The following CNTNAP2 variants were observed in gnomAD, a reference collection of about 807,000 sequenced individuals.
CNTNAP2 encodes contactin associated protein 2.
A neutral mutation model predicts 155.2 loss-of-function variants in CNTNAP2; 98 were observed. The observed-to-expected ratio is 0.63, with a 90% CI of 0.54 to 0.75. The LOEUF is 0.75. Ranked by LOEUF, CNTNAP2 falls within the 30% of genes least tolerant of loss-of-function variation. CNTNAP2 has a pLI of 0.00. For synonymous variants in CNTNAP2, 651 were observed against 631.2 expected, an observed-to-expected ratio of 1.03 and a Z score of -0.47; for missense variants, 1,727 against 1,688.1, an observed-to-expected ratio of 1.02 and a Z score of -0.40.
chr7:148,308,557 A>AG (rs1245134670), intron 21 of CNTNAP2, among the ~76,000 whole-genome samples: 367 of 14,174 alleles, frequency 0.026, 2 homozygotes, highest in African/African-American at 0.055. Context: ...TTATGTATTT[A>AG]TTTATTTATT....
rs201114430 is a variant in CNTNAP2, at chr7:148,380,630, ACTT to A, written c.3476-3015_3476-3013del. Among the ~76,000 whole-genome samples the A allele has an allele frequency of 8.7e-3, 663 of 76,634 alleles. 4 individuals carry two copies. The highest frequency in any genetic ancestry group is 0.039 in the Middle Eastern group (5 of 128). The allele number at this position is 76,634 out of a possible 152,430, so 50.3% of individuals were successfully genotyped here. On this transcript the variant is annotated intron_variant, in intron 21 of 23. Transcript: ENST00000361727. ...AATTGAGACTGATGCAAAATATTTG[ACTT>A]CTTTTTTTTTTATATGAAACATAAA... is the stretch of plus-strand genomic sequence containing the variant.
intron 13 of CNTNAP2, among the ~76,000 whole-genome samples, chr7:147,691,984 C>T (rs1796093707): frequency 6.6e-6 from 1 of 152,086 alleles, no homozygotes; most frequent in Non-Finnish European, 1.5e-5. Flanking sequence ...CAGAATGTTC[C>T]ACTGCCCTAA....
chr7:146,136,174 A>T (rs1797794564), intron 1 of CNTNAP2, among the ~76,000 whole-genome samples: 1 of 152,178 alleles, frequency 6.6e-6, no homozygotes, highest in African/African-American at 2.4e-5. Context: ...AGATGATCAG[A>T]TTGATCAGTG....
At chr7:147,530,424 T>A (rs1028484220) in intron 11 of CNTNAP2, among the ~76,000 whole-genome samples, 2 of 152,096 alleles carry the variant, frequency 1.3e-5, no homozygotes, top group Non-Finnish European at 2.9e-5. Context: ...GTGATCTGCC[T>A]GCCTCAGGCT....
intron 2 of CNTNAP2, among the ~76,000 whole-genome samples, chr7:146,835,685 G>A (rs1803603243): frequency 6.6e-6 from 1 of 152,190 alleles, no homozygotes; most frequent in African/African-American, 2.4e-5. Context: ...GTGGTCCCAA[G>A]AGGTACTGCA....
chr7:147,450,458 A>G (rs1797812620), intron 10 of CNTNAP2, among the ~76,000 whole-genome samples: 1 of 152,174 alleles, frequency 6.6e-6, no homozygotes, highest in South Asian at 2.1e-4. Flanking sequence ...TTTCAGCCTT[A>G]TGAGACCCTA....
chr7:148,395,595 C>CATG (rs1441877509), intron 22 of CNTNAP2, among the ~76,000 whole-genome samples: 1 of 151,976 alleles, frequency 6.6e-6, no homozygotes, highest in African/African-American at 2.4e-5. Flanking sequence ...AAGGCTCAGC[C>CATG]ATGATGAAGA....
intron 12 of CNTNAP2, among the ~76,000 whole-genome samples, chr7:147,600,335 G>A (rs1022766407): frequency 6.6e-6 from 1 of 152,126 alleles, no homozygotes; most frequent in Non-Finnish European, 1.5e-5. Flanking sequence ...GAGCCAGATG[G>A]TAAATAATAT....
chr7:146,134,925 T>G (rs575637636), intron 1 of CNTNAP2, among the ~76,000 whole-genome samples: 2,103 of 151,776 alleles, frequency 0.014, 42 homozygotes, highest in African/African-American at 0.047. Context: ...GCTGGCCTCA[T>G]AAAATGAGTT....
At chr7:147,254,678 C>T (rs893928482) in intron 8 of CNTNAP2, among the ~76,000 whole-genome samples, 11 of 152,014 alleles carry the variant, frequency 7.2e-5, no homozygotes, top group Non-Finnish European at 1.3e-4. Flanking sequence ...TACAGTTGAC[C>T]GGGCTTGCTT....
rs79620353 is a variant in CNTNAP2 at position 147,508,450 on chromosome 7, A to G, written c.1777+22409A>G. Among the ~76,000 whole-genome samples the G allele has an allele frequency of 9.7e-3, 1,475 of 152,276 alleles. 8 individuals carry two copies. Among genetic ancestry groups the G allele is most frequent in the Middle Eastern group, 0.017 (5 of 294 alleles). On this transcript the variant is annotated intron_variant, in intron 11 of 23. Coordinates refer to ENST00000361727, the MANE Select transcript of CNTNAP2 (RefSeq NM_014141.6). ...CTTCCTCTTCAGGTCATACTTCAAC[A>G]CAGATACTCCCCATTTCTGAATAAC...
chr7:147,547,559 T>G (rs1167886800), intron 11 of CNTNAP2, among the ~76,000 whole-genome samples: 1 of 152,224 alleles, frequency 6.6e-6, no homozygotes, highest in South Asian at 2.1e-4. Flanking sequence ...CTTTGCTTGA[T>G]GGTCCACTGG....
chr7:147,141,896 A>G (rs1388825497), intron 8 of CNTNAP2, among the ~76,000 whole-genome samples: 1 of 152,152 alleles, frequency 6.6e-6, no homozygotes, highest in Non-Finnish European at 1.5e-5. Flanking sequence ...AAGGAAGATA[A>G]TTCAATAGTT....
intron 17 of CNTNAP2, among the ~76,000 whole-genome samples, chr7:148,170,775 G>A (rs185756478): frequency 1.1e-3 from 167 of 152,264 alleles, no homozygotes; most frequent in Non-Finnish European, 1.8e-3. Context: ...TGCCACTAAA[G>A]CCTTTGATAT....
intron 3 of CNTNAP2, among the ~76,000 whole-genome samples, chr7:146,930,064 A>T (rs867859010): frequency 6.6e-6 from 1 of 152,252 alleles, no homozygotes; most frequent in East Asian, 1.9e-4. Flanking sequence ...GCAGGCCAAC[A>T]TTCAGATTCA....
intron 21 of CNTNAP2, among the ~76,000 whole-genome samples, chr7:148,334,254 G>C (rs1215427520): frequency 2.0e-5 from 3 of 152,122 alleles, no homozygotes; most frequent in Non-Finnish European, 2.9e-5. Context: ...TTTCATGAGG[G>C]ATCCCAGGGT....
At chr7:147,132,536 T>C (rs1214902277) in intron 8 of CNTNAP2, 27 bp downstream of exon 8, 1 of 1,613,092 alleles carries the variant, frequency 6.2e-7, no homozygotes, top group Non-Finnish European at 8.5e-7. Flanking sequence ...TGACATTTGT[T>C]CCTGAAACTT....
At chr7:146,500,442 G>T (rs989648578) in intron 1 of CNTNAP2, among the ~76,000 whole-genome samples, 1 of 152,120 alleles carries the variant, frequency 6.6e-6, no homozygotes, top group Admixed American at 6.6e-5. Context: ...CTTAGTTGGG[G>T]GGAGGTAAAG....
chr7:147,518,769 G>A (rs1247315558), intron 11 of CNTNAP2, among the ~76,000 whole-genome samples: 8 of 152,086 alleles, frequency 5.3e-5, no homozygotes, highest in Admixed American at 1.3e-4. Context: ...GGTGGCTCAC[G>A]CCTGTAATCC....
Sources: gnomAD v4.1 joint callset for allele counts (sites outside exome capture counted in the v4.1 genomes callset) on GRCh38, gnomAD v4.1.1 for gene constraint, MANE v1.5 for transcripts, NCBI Gene and HGNC (gene_info 2026-07-23, HGNC 2026-07-21) for gene names.